RYR2: variants seen among roughly 807,000 people sequenced by gnomAD.
RYR2 encodes cardiac muscle ryanodine receptor-calcium release channel.
RYR2 carries 227 observed loss-of-function variants against 601.1 expected under a neutral mutation model. The observed-to-expected ratio is 0.38, with a 90% confidence interval of 0.34 to 0.42. The LOEUF is 0.42. Ranked by LOEUF, RYR2 falls within the 10% of genes least tolerant of loss-of-function variation. The pLI is 1.00. For missense variants in RYR2, 4,646 were observed against 6,156.5 expected (o/e 0.75, Z 8.21); for synonymous variants, 2,223 against 2,175.1 (o/e 1.02, Z -0.61).
At chr1:237,061,832 A>G (rs1233072383) in intron 1 of RYR2, among the ~76,000 whole-genome samples, 3 of 151,692 alleles carry the variant, frequency 2.0e-5, no homozygotes. Flanking sequence ...TTGCCTACCC[A>G]AAGGCTGTTC....
At chr1:237,385,762 T>A (rs1701914194) in intron 8 of RYR2, among the ~76,000 whole-genome samples, 1 of 152,252 alleles carries the variant, frequency 6.6e-6, no homozygotes, top group Non-Finnish European at 1.5e-5. Context: ...TGTGTTTTTA[T>A]GTTTATGATA....
rs377762216 is a variant in RYR2 at position 237,223,201 on chromosome 1, A to G, written c.49-47296A>G. On this transcript the variant is annotated intron_variant, in intron 1 of 104. Transcript: ENST00000366574. ...TGACAGAATACCAAATGGAAAGAAC[A>G]TATATTTATTTATCATAGTTCTCAA... Among the ~76,000 whole-genome samples, 4 of 152,340 alleles carry G rather than the reference A, an allele frequency of 2.6e-5. No homozygotes were observed. In the East Asian group the frequency reaches 7.7e-4, roughly 29 times the overall value.
chr1:237,540,253 A>G (rs778075073), intron 25 of RYR2, among the ~76,000 whole-genome samples: 1 of 152,142 alleles, frequency 6.6e-6, no homozygotes, highest in East Asian at 1.9e-4. Context: ...ACTATCTCAT[A>G]TGCCTAATTG....
chr1:237,654,491 C>G, intron 52 of RYR2, 77 bp downstream of exon 52: 1 of 1,394,386 alleles, frequency 7.2e-7, no homozygotes, highest in South Asian at 1.3e-5. Context: ...GATAGTATTC[C>G]TAGTTGAATA....
rs770179743 is a variant in RYR2 at position 237,709,582 on chromosome 1, A to G, written c.10230+15A>G. The G allele has an allele frequency of 7.1e-6, 11 of 1,552,370 alleles. No homozygotes were observed. The East Asian group carries it at 2.3e-4, about 32-fold the overall frequency. On this transcript the variant is annotated intron_variant, in intron 70 of 104. Coordinates refer to ENST00000366574, the MANE Select transcript of RYR2 (RefSeq NM_001035.3). ...CGAAGTCCCATGTGAGTGTGAAAAT[A>G]TTGATAGATCACGCCTACTGTTTGT...
chr1:237,567,806 G>A (rs1672249314), intron 28 of RYR2, among the ~76,000 whole-genome samples: 1 of 151,906 alleles, frequency 6.6e-6, no homozygotes, highest in South Asian at 2.1e-4. Context: ...CAATCATGAA[G>A]AGATTTGACG....
At chr1:237,094,992 T>C (rs1558223255) in intron 1 of RYR2, among the ~76,000 whole-genome samples, 1 of 152,240 alleles carries the variant, frequency 6.6e-6, no homozygotes, top group Non-Finnish European at 1.5e-5. Flanking sequence ...ATTTATGTCA[T>C]GTAAACCTCC....
chr1:237,453,232 G>A (rs537008613), intron 14 of RYR2, among the ~76,000 whole-genome samples: 55 of 152,090 alleles, frequency 3.6e-4, no homozygotes, highest in African/African-American at 1.1e-3. Flanking sequence ...AAAACTTGGG[G>A]GTAGGTAGGT....
chr1:237,529,408 A>G (rs957727310), intron 24 of RYR2, among the ~76,000 whole-genome samples: 1 of 152,164 alleles, frequency 6.6e-6, no homozygotes, highest in African/African-American at 2.4e-5. Context: ...AGATACCCAT[A>G]TGTATAAGCT....
chr1:237,736,613 T>G (rs548002899), intron 79 of RYR2, among the ~76,000 whole-genome samples: 2 of 152,058 alleles, frequency 1.3e-5, no homozygotes, highest in African/African-American at 4.8e-5. Context: ...GACACCTAAG[T>G]GTTTGATGAA....
intron 1 of RYR2, among the ~76,000 whole-genome samples, chr1:237,181,288 A>G (rs1339485204): frequency 6.6e-6 from 1 of 152,132 alleles, no homozygotes; most frequent in Non-Finnish European, 1.5e-5. Context: ...CTGGCAGCTA[A>G]GCACTTTTAT....
chr1:237,221,589 A>G (rs1342994971), intron 1 of RYR2, among the ~76,000 whole-genome samples: 1 of 152,220 alleles, frequency 6.6e-6, no homozygotes, highest in Non-Finnish European at 1.5e-5. Flanking sequence ...CCTGTATTTG[A>G]GTTAGTCACA....
At chr1:237,154,266 A>G (rs1460692869) in intron 1 of RYR2, among the ~76,000 whole-genome samples, 1 of 152,168 alleles carries the variant, frequency 6.6e-6, no homozygotes, top group Non-Finnish European at 1.5e-5. Context: ...CTCCATTGTT[A>G]TTTTATGATG....
chr1:237,259,587 CATAA>C (rs1447329376), intron 1 of RYR2, among the ~76,000 whole-genome samples: 1 of 150,766 alleles, frequency 6.6e-6, no homozygotes, highest in Non-Finnish European at 1.5e-5. Context: ...ACACACACAG[CATAA>C]ATAGTTAAGC....
rs368635274 is a variant in RYR2, at chr1:237,590,763, G to A, written c.3931G>A (p.Ala1311Thr). The change falls in exon 31 of 105, where the codon GCG becomes ACG. Residue 1311 changes from alanine (A) to threonine (T), a missense_variant. Ala to Thr is a moderately conservative substitution (Grantham distance 58). Coordinates refer to ENST00000366574, the MANE Select transcript of RYR2 (RefSeq NM_001035.3). ...TCGCCTGAGCATGCCGATCGAGTGC[G>A]CGGAGGTCTTCTCCAAGACGGTGGC... The part of the protein sequence containing the change: ...FYRLSMPIEC[A>T]EVFSKTVAGG... The A allele has an allele frequency of 8.1e-6, 13 of 1,613,772 alleles. No individual in the cohort carries two copies. Among genetic ancestry groups the A allele is most frequent in the South Asian group, 3.3e-5 (3 of 91,080 alleles).
intron 102 of RYR2, 69 bp downstream of exon 102, chr1:237,828,514 C>A: frequency 1.0e-6 from 1 of 997,274 alleles, no homozygotes; most frequent in Non-Finnish European, 1.5e-6. Context: ...CTACCTTTAT[C>A]AATAGAATCA....
intron 20 of RYR2, among the ~76,000 whole-genome samples, chr1:237,497,893 GCT>G (rs1664241940): frequency 6.6e-6 from 1 of 151,382 alleles, no homozygotes; most frequent in Non-Finnish European, 1.5e-5. Flanking sequence ...ACAGAGTCTT[GCT>G]CTGTTGCCCA....
chr1:237,479,072 T>C (rs552944852), intron 17 of RYR2, among the ~76,000 whole-genome samples: 4 of 152,290 alleles, frequency 2.6e-5, no homozygotes, highest in East Asian at 1.9e-4. Flanking sequence ...TTGAGTTACA[T>C]TGGGTGATGC....
At chr1:237,724,681 A>G (rs1690053950) in intron 74 of RYR2, among the ~76,000 whole-genome samples, 1 of 152,038 alleles carries the variant, frequency 6.6e-6, no homozygotes, top group African/African-American at 2.4e-5. Flanking sequence ...ATTTTAAGTG[A>G]TTTATATAAA....
Sources: gnomAD v4.1 joint callset for allele counts (sites outside exome capture counted in the v4.1 genomes callset) on GRCh38, gnomAD v4.1.1 for gene constraint, MANE v1.5 for transcripts, NCBI Gene and HGNC (gene_info 2026-07-23, HGNC 2026-07-21) for gene names.